OTOGL: variants seen among roughly 807,000 people sequenced by gnomAD.
OTOGL encodes the protein otogelin like, also known as otogelin-like protein.
In OTOGL, 285 loss-of-function variants were observed where a neutral mutation model predicts 318.5. The observed-to-expected ratio is 0.89, with a 90% CI of 0.81 to 0.99. The LOEUF is 0.99. Among genes scored for constraint, OTOGL ranks in the 50% least tolerant of loss-of-function variants. The pLI is 0.00. For synonymous variants in OTOGL, 987 were observed against 936.5 expected (o/e 1.05, Z -0.99); for missense variants, 2,899 against 2,845.6 (o/e 1.02, Z -0.43).
chr12:80,368,267 C>A lies in OTOGL; in HGVS notation c.6573C>A (p.Ser2191=). The stretch of plus-strand genomic sequence containing the variant: ...GTTGTGGTACCTGCAAAAATGTATC[C>A]TGCAAATTTCACATGGAAAATGGAA... ...YGCCGTCKNV[S]CKFHMENGTS... is the part of the protein sequence containing the mutation. The change falls in exon 55 of 59, where the codon TCC becomes TCA. Residue 2191 remains serine (S), a synonymous_variant. Coordinates refer to ENST00000547103, the MANE Select transcript of OTOGL (RefSeq NM_001378609.3). 6 of 1,601,826 alleles carry A rather than the reference C, an allele frequency of 3.7e-6. No individual in the cohort carries two copies. Among genetic ancestry groups the A allele is most frequent in the Non-Finnish European group, 5.1e-6 (6 of 1,172,976 alleles).
intron 1 of OTOGL, among the ~76,000 whole-genome samples, chr12:80,200,471 A>G (rs533538294): frequency 4.7e-4 from 71 of 152,364 alleles, no homozygotes; most frequent in Non-Finnish European, 9.4e-4. Context: ...ACCTGAATTC[A>G]TAATACAAAT....
chr12:80,258,336 T>C (rs1167716083), intron 18 of OTOGL, among the ~76,000 whole-genome samples: 1 of 152,072 alleles, frequency 6.6e-6, no homozygotes. Context: ...ACCTTAACAG[T>C]ATTTTATTTT....
At chr12:80,187,379 C>T (rs933742385) in intron 1 of OTOGL, among the ~76,000 whole-genome samples, 2 of 152,034 alleles carry the variant, frequency 1.3e-5, no homozygotes, top group Admixed American at 1.3e-4. Context: ...GTGGCCATAC[C>T]TGAGCCAGTC....
chr12:80,124,569 G>T (rs1368013182), intron 1 of OTOGL, among the ~76,000 whole-genome samples: 3 of 152,104 alleles, frequency 2.0e-5, no homozygotes, highest in Admixed American at 6.6e-5. Flanking sequence ...TTCCAATTCT[G>T]TGAAGAAAGG....
At chr12:80,303,313 G>A (rs921649527) in intron 28 of OTOGL, among the ~76,000 whole-genome samples, 1 of 152,130 alleles carries the variant, frequency 6.6e-6, no homozygotes, top group Non-Finnish European at 1.5e-5. Context: ...CAGCCACTAT[G>A]CAGGGCTAAT....
intron 42 of OTOGL, among the ~76,000 whole-genome samples, chr12:80,337,609 T>C (rs1387741503): frequency 6.6e-6 from 1 of 152,048 alleles, no homozygotes; most frequent in African/African-American, 2.4e-5. Context: ...AAGGAATATG[T>C]GTTTGCCAAA....
intron 1 of OTOGL, among the ~76,000 whole-genome samples, chr12:80,198,852 A>G (rs140170819): frequency 3.7e-4 from 56 of 152,292 alleles, no homozygotes; most frequent in Admixed American, 1.0e-3. Flanking sequence ...TCTCAATTCC[A>G]TACCTTCCAT....
chr12:80,257,452 T>TA (rs1882155387), intron 17 of OTOGL, among the ~76,000 whole-genome samples: 1 of 151,988 alleles, frequency 6.6e-6, no homozygotes, highest in South Asian at 2.1e-4. Flanking sequence ...GCAGTGATGA[T>TA]AGAGATGGAG....
At position 80,102,976 on chromosome 12, in the gene OTOGL, C is replaced by A. The variant is rs1869229048; in HGVS notation, c.-20+3371C>A. On this transcript the variant is annotated intron_variant, in intron 1 of 58. Coordinates refer to ENST00000547103, the MANE Select transcript of OTOGL (RefSeq NM_001378609.3). ...ACTTGGCGAGATTTGGCTTTCCGTT[C>A]AAGGATCTTTTTGCTGTCTTTGTCC... is the stretch of plus-strand genomic sequence containing the variant. 13 of 903,320 alleles carry A rather than the reference C, an allele frequency of 1.4e-5. No homozygotes were observed. In the East Asian group the frequency reaches 2.9e-4, roughly 20 times the overall value. 56.0% of individuals were successfully genotyped at this position (903,320 alleles called of 1,614,324 possible). A position where few individuals can be genotyped will look rare whatever the true frequency, so the allele number is the denominator to read the frequency against.
At chr12:80,135,246 GCCCCTCCCCTCCCCTCCCCT>G (rs1330253864) in intron 1 of OTOGL, among the ~76,000 whole-genome samples, 6 of 62,538 alleles carry the variant, frequency 9.6e-5, no homozygotes, top group South Asian at 5.0e-4. Flanking sequence ...TATTTCTTGA[GCCCCTCCCCTCCCCTCCCCT>G]CCCCTCCCCT....
At chr12:80,252,850 G>C (rs147272460) in intron 13 of OTOGL, among the ~76,000 whole-genome samples, 120 of 152,280 alleles carry the variant, frequency 7.9e-4, no homozygotes, top group African/African-American at 2.9e-3. Flanking sequence ...AGTCTGAGCT[G>C]TTTGTGACCT....
intron 1 of OTOGL, among the ~76,000 whole-genome samples, chr12:80,149,583 T>C (rs1197909631): frequency 6.6e-6 from 1 of 152,090 alleles, no homozygotes; most frequent in African/African-American, 2.4e-5. Context: ...CCTTGAGCTG[T>C]GGTGGGCTCC....
chr12:80,285,511 C>T (rs917215671), intron 26 of OTOGL, among the ~76,000 whole-genome samples: 5 of 152,114 alleles, frequency 3.3e-5, no homozygotes, highest in Admixed American at 2.6e-4. Flanking sequence ...TATCTGTGAG[C>T]ATAGAATCTT....
chr12:80,182,820 A>C (rs74108541), intron 1 of OTOGL, among the ~76,000 whole-genome samples: 1,550 of 152,324 alleles, frequency 0.01, 18 homozygotes, highest in African/African-American at 0.036. Context: ...AGATATGTAG[A>C]TGTTTGTACT....
At chr12:80,268,183 T>C (rs372639509) in intron 22 of OTOGL, among the ~76,000 whole-genome samples, 1 of 152,136 alleles carries the variant, frequency 6.6e-6, no homozygotes, top group African/African-American at 2.4e-5. Context: ...AGTTGCCCCA[T>C]AGGTACCAAC....
intron 1 of OTOGL, among the ~76,000 whole-genome samples, chr12:80,153,852 T>C (rs977763950): frequency 1.6e-4 from 25 of 152,222 alleles, no homozygotes; most frequent in Admixed American, 7.9e-4. Context: ...GTAATATGCA[T>C]TTAAATTTCC....
In OTOGL at chr12:80,255,188, A is replaced by G. The variant is rs1259776777; in HGVS notation, c.1587+3A>G. The G allele has an allele frequency of 4.7e-6, 7 of 1,479,002 alleles. No individual in the cohort carries two copies. Among genetic ancestry groups the G allele is most frequent in the Non-Finnish European group, 1.8e-6 (2 of 1,119,222 alleles). The allele number at this position is 1,479,002 out of a possible 1,614,324, so 91.6% of individuals were successfully genotyped here. A position where few individuals can be genotyped will look rare whatever the true frequency, so the allele number is the denominator to read the frequency against. ...TACAGAAAGCTCCCTGTGAGCAGGT[A>G]AGAACATTTCAAAATGACCAGAGGA... is the stretch of plus-strand genomic sequence containing the variant. On this transcript the variant is annotated splice_donor_region_variant and intron_variant, in intron 16 of 58. Transcript: ENST00000547103.
chr12:80,170,214 T>C (rs1211108068), intron 1 of OTOGL, among the ~76,000 whole-genome samples: 1 of 98,648 alleles, frequency 1.0e-5, no homozygotes, highest in Non-Finnish European at 2.0e-5. Flanking sequence ...TGTGTGTGTG[T>C]ATGTATGTGT....
chr12:80,111,888 G>GT (rs1869862648), intron 1 of OTOGL, among the ~76,000 whole-genome samples: 1 of 152,172 alleles, frequency 6.6e-6, no homozygotes, highest in African/African-American at 2.4e-5. Context: ...AGCATGGAAT[G>GT]TTTTTCCATT....
Sources: allele counts gnomAD v4.1 joint callset (sites outside exome capture counted in the v4.1 genomes callset), GRCh38; gene constraint gnomAD v4.1.1; transcripts MANE v1.5; gene names NCBI Gene and HGNC (gene_info 2026-07-23, HGNC 2026-07-21).